The following LPP variants were observed in gnomAD, a reference collection of about 807,000 sequenced individuals.
LPP encodes the protein lipoma-preferred partner.
Under a neutral mutation model 60.4 loss-of-function variants are expected in LPP, and 38 were observed. The ratio of observed to expected loss-of-function variants is 0.63; its 90% CI spans 0.49 to 0.83. LPP has a LOEUF of 0.83. Ranked by LOEUF, LPP falls within the 40% of genes least tolerant of loss-of-function variation. The pLI is 0.00. For missense variants in LPP, 902 were observed against 783.6 expected, an observed-to-expected ratio of 1.15 and a Z score of -1.80; for synonymous variants, 328 against 290.8, an observed-to-expected ratio of 1.13 and a Z score of -1.30.
chr3:188,697,504 C>A (rs1863507385), intron 7 of LPP, among the ~76,000 whole-genome samples: 1 of 152,168 alleles, frequency 6.6e-6, no homozygotes, highest in South Asian at 2.1e-4. Flanking sequence ...TGTTTTTATG[C>A]ATATCAGACT....
chr3:188,548,790 G>A (rs768476343), intron 6 of LPP, among the ~76,000 whole-genome samples: 3 of 152,114 alleles, frequency 2.0e-5, no homozygotes, highest in Admixed American at 6.6e-5. Context: ...GGGAGAGGCC[G>A]CAGATGGTAG....
chr3:188,804,243 T>TTTTATATATATA (rs1322626096), intron 9 of LPP, among the ~76,000 whole-genome samples: 51 of 37,712 alleles, frequency 1.4e-3, no homozygotes, highest in African/African-American at 5.7e-3. Flanking sequence ...TAGTGCATCT[T>TTTTATATATATA]TATATATATA....
At chr3:188,746,027 T>C (rs1042921966) in intron 8 of LPP, among the ~76,000 whole-genome samples, 2 of 152,194 alleles carry the variant, frequency 1.3e-5, no homozygotes, top group African/African-American at 2.4e-5. Context: ...ATGGATAGCA[T>C]CTTACGCATC....
At chr3:188,503,852 A>G (rs1304717321) in intron 5 of LPP, among the ~76,000 whole-genome samples, 2 of 152,132 alleles carry the variant, frequency 1.3e-5, no homozygotes, top group Admixed American at 6.5e-5. Flanking sequence ...CTCTCTTGCA[A>G]CTTTCAAAAT....
chr3:188,315,065 T>C (rs974891182), intron 2 of LPP, among the ~76,000 whole-genome samples: 1 of 145,982 alleles, frequency 6.9e-6, no homozygotes, highest in Non-Finnish European at 1.5e-5. Flanking sequence ...GTTTGCTCTT[T>C]AAAATTTTTT....
intron 1 of LPP, among the ~76,000 whole-genome samples, chr3:188,213,991 C>CACAA (rs1553815289): frequency 6.6e-6 from 1 of 151,802 alleles, no homozygotes; most frequent in African/African-American, 2.4e-5. Flanking sequence ...CACACACACA[C>CACAA]ACACACACAC....
chr3:188,321,329 G>A (rs906754533), intron 2 of LPP, among the ~76,000 whole-genome samples: 3 of 152,120 alleles, frequency 2.0e-5, no homozygotes, highest in African/African-American at 7.2e-5. Flanking sequence ...ATAATATTTT[G>A]GATATATTTG....
chr3:188,610,009 C>T lies in LPP; in HGVS notation c.1113+165C>T, dbSNP rs1560638195. Among the ~76,000 whole-genome samples the T allele has an allele frequency of 1.3e-5, 2 of 152,152 alleles. No homozygotes were observed. Among genetic ancestry groups the T allele is most frequent in the East Asian group, 1.9e-4 (1 of 5,196 alleles). On this transcript the variant is annotated intron_variant, in intron 7 of 11. Coordinates refer to ENST00000617246, the MANE Select transcript of LPP (RefSeq NM_001375462.1). The surrounding 1 kb of genome is among the most constrained non-coding windows in gnomAD (Gnocchi z 4.4). ...GAAGCCAGAGAGGAGAGAGAGACTA[C>T]TTAGTATGTTACTAATATGGCCACT...
chr3:188,555,477 A>G (rs371065080), intron 6 of LPP, among the ~76,000 whole-genome samples: 4 of 152,232 alleles, frequency 2.6e-5, no homozygotes, highest in African/African-American at 9.6e-5. Flanking sequence ...TGGTAGGTAT[A>G]GTTGGTGTTG....
At chr3:188,696,148 G>A (rs1323700228) in intron 7 of LPP, among the ~76,000 whole-genome samples, 1 of 152,054 alleles carries the variant, frequency 6.6e-6, no homozygotes, top group Non-Finnish European at 1.5e-5. Context: ...GGTTGATAGA[G>A]TAGAATGCCA....
chr3:188,280,805 G>A (rs1741712630), intron 2 of LPP, among the ~76,000 whole-genome samples: 1 of 152,086 alleles, frequency 6.6e-6, no homozygotes, highest in Non-Finnish European at 1.5e-5. Context: ...GAGTTGGATT[G>A]TCTGGATTTA....
chr3:188,443,389 G>C (rs548711297), intron 4 of LPP, among the ~76,000 whole-genome samples: 1 of 152,210 alleles, frequency 6.6e-6, no homozygotes, highest in African/African-American at 2.4e-5. Flanking sequence ...CCTTCATCAC[G>C]TGAAGGCTCT....
chr3:188,337,473 C>G (rs1248165323), intron 2 of LPP, among the ~76,000 whole-genome samples: 1 of 152,148 alleles, frequency 6.6e-6, no homozygotes, highest in African/African-American at 2.4e-5. Flanking sequence ...CCATTCTACC[C>G]TAGAGAGAAG....
chr3:188,307,325 C>T (rs1279748987), intron 2 of LPP, among the ~76,000 whole-genome samples: 1 of 152,084 alleles, frequency 6.6e-6, no homozygotes, highest in Non-Finnish European at 1.5e-5. Context: ...GATTGGCGTG[C>T]CCTTAAAAAC....
At chr3:188,297,106 G>T (rs1020397597) in intron 2 of LPP, among the ~76,000 whole-genome samples, 4 of 152,186 alleles carry the variant, frequency 2.6e-5, no homozygotes, top group Non-Finnish European at 5.9e-5. Context: ...AAAACCAGGG[G>T]CAGTTTCCTG....
intron 4 of LPP, among the ~76,000 whole-genome samples, chr3:188,463,980 A>G (rs1262987480): frequency 6.6e-6 from 1 of 152,172 alleles, no homozygotes; most frequent in African/African-American, 2.4e-5. Flanking sequence ...GTGTGCCCTA[A>G]TCACAGTCTT....
At chr3:188,242,692 A>G (rs557970746) in intron 2 of LPP, among the ~76,000 whole-genome samples, 2 of 152,334 alleles carry the variant, frequency 1.3e-5, no homozygotes, top group Admixed American at 1.3e-4. Flanking sequence ...CCAGGTGATC[A>G]TCAAGGTCCC....
chr3:188,733,143 C>T (rs956209245), intron 8 of LPP, among the ~76,000 whole-genome samples: 6 of 152,020 alleles, frequency 3.9e-5, no homozygotes, highest in Admixed American at 6.5e-5. Flanking sequence ...CTTGTGTAGT[C>T]GTAAATTTTA....
chr3:188,308,976 T>TCTC (rs1174207714), intron 2 of LPP, among the ~76,000 whole-genome samples: 3 of 151,208 alleles, frequency 2.0e-5, no homozygotes, highest in African/African-American at 2.4e-5. Flanking sequence ...CCTTTCTCCT[T>TCTC]CTCCTCCTCC....
Sources: gnomAD v4.1 joint callset for allele counts (sites outside exome capture counted in the v4.1 genomes callset) on GRCh38, gnomAD v4.1.1 for gene constraint, Gnocchi (gnomAD v3.1) non-coding constraint, MANE v1.5 for transcripts, NCBI Gene and HGNC (gene_info 2026-07-23, HGNC 2026-07-21) for gene names.